AKAP6: variants seen among roughly 807,000 people sequenced by gnomAD.
The protein encoded by AKAP6 is A-kinase anchor protein 6.
In AKAP6, 58 loss-of-function variants were observed where a neutral mutation model predicts 188.5. The observed-to-expected ratio is 0.31, with a 90% CI of 0.25 to 0.38. AKAP6 has a LOEUF of 0.38. Ranked by LOEUF, AKAP6 falls within the 10% of genes least tolerant of loss-of-function variation. The pLI, the probability that AKAP6 is intolerant of heterozygous loss-of-function variation, is 1.00. For synonymous variants in AKAP6, 989 were observed against 998.6 expected (o/e 0.99, Z 0.18); for missense variants, 2,710 against 2,740.0 (o/e 0.99, Z 0.24).
intron 1 of AKAP6, among the ~76,000 whole-genome samples, chr14:32,368,614 C>G (rs1396444257): frequency 6.6e-6 from 1 of 151,952 alleles, no homozygotes; most frequent in Non-Finnish European, 1.5e-5. Flanking sequence ...ACGCAAAGGT[C>G]TAGAGGTGAG....
At chr14:32,424,646 C>A (rs1011695895) in intron 1 of AKAP6, among the ~76,000 whole-genome samples, 2 of 152,104 alleles carry the variant, frequency 1.3e-5, no homozygotes. Context: ...GATACTCTCC[C>A]TCCCCCTACT....
At chr14:32,820,720 A>G (rs1212893356) in intron 12 of AKAP6, among the ~76,000 whole-genome samples, 2 of 152,138 alleles carry the variant, frequency 1.3e-5, no homozygotes, top group Admixed American at 1.3e-4. Flanking sequence ...TGGAGCATTC[A>G]GGGTCTAGGA....
rs1237646730 is a variant in AKAP6, at chr14:32,821,493, A to G, written c.3680A>G (p.Lys1227Arg). Residue 1227 changes from lysine (K) to arginine (R), a missense_variant, in exon 13 of 14, where the codon AAG becomes AGG. Coordinates refer to ENST00000280979, the MANE Select transcript of AKAP6 (RefSeq NM_004274.5). ...TGGGATGAAATGGACATAAGTAACA[A>G]GTTAATTAGTTTGAATGAGGAATCA... The part of the protein sequence containing the change: ...LEWDEMDISN[K>R]LISLNEESND... 1 of 1,613,758 alleles carries G rather than the reference A, an allele frequency of 6.2e-7. No individual in the cohort carries two copies. The highest frequency in any genetic ancestry group is 2.2e-5 in the East Asian group (1 of 44,872).
chr14:32,792,987 C>A (rs2033655673), intron 12 of AKAP6, among the ~76,000 whole-genome samples: 1 of 152,136 alleles, frequency 6.6e-6, no homozygotes, highest in Admixed American at 6.5e-5. Context: ...TGAGGGAATT[C>A]ATCGCCACCA....
chr14:32,342,025 A>G (rs1269753360), intron 1 of AKAP6, among the ~76,000 whole-genome samples: 2 of 152,160 alleles, frequency 1.3e-5, no homozygotes, highest in African/African-American at 4.8e-5. Flanking sequence ...AAATAAATAC[A>G]TAAATAAAAT....
chr14:32,526,753 A>T (rs1025533353), intron 2 of AKAP6, among the ~76,000 whole-genome samples: 1 of 152,244 alleles, frequency 6.6e-6, no homozygotes, highest in Non-Finnish European at 1.5e-5. Flanking sequence ...TAGAGGAAAA[A>T]TAAAGAAGAG....
At chr14:32,503,439 T>C (rs190157780) in intron 2 of AKAP6, among the ~76,000 whole-genome samples, 1 of 152,172 alleles carries the variant, frequency 6.6e-6, no homozygotes, top group East Asian at 1.9e-4. Flanking sequence ...TCTACTGTAG[T>C]CAAATTTATC....
intron 4 of AKAP6, among the ~76,000 whole-genome samples, chr14:32,547,633 C>T (rs1883259658): frequency 6.6e-6 from 1 of 152,078 alleles, no homozygotes; most frequent in Admixed American, 6.5e-5. Context: ...TGTTTGAGGA[C>T]AGACTTATCA....
intron 1 of AKAP6, among the ~76,000 whole-genome samples, chr14:32,412,206 C>G (rs1889511380): frequency 6.6e-6 from 1 of 152,156 alleles, no homozygotes; most frequent in Non-Finnish European, 1.5e-5. Flanking sequence ...TATATAAAGA[C>G]TTTATTGAAT....
intron 1 of AKAP6, among the ~76,000 whole-genome samples, chr14:32,348,616 T>G (rs542956767): frequency 3.4e-4 from 51 of 152,206 alleles, no homozygotes; most frequent in Non-Finnish European, 6.3e-4. Flanking sequence ...TTTCACCATG[T>G]TGGTCAGGCT....
intron 5 of AKAP6, among the ~76,000 whole-genome samples, chr14:32,586,784 T>A (rs1219317584): frequency 8.5e-5 from 13 of 152,212 alleles, no homozygotes; most frequent in Admixed American, 8.5e-4. Flanking sequence ...TAACCAGTTC[T>A]TTGTGATGGA....
intron 11 of AKAP6, 107 bp downstream of exon 11, chr14:32,735,989 C>A: frequency 1.2e-6 from 1 of 814,952 alleles, no homozygotes; most frequent in Non-Finnish European, 1.9e-6. Context: ...TATCACTGTG[C>A]ACCTAAATGT....
intron 2 of AKAP6, among the ~76,000 whole-genome samples, chr14:32,528,115 T>G (rs540135853): frequency 2.8e-4 from 42 of 152,340 alleles, no homozygotes; most frequent in African/African-American, 9.4e-4. Context: ...TATTTTGAGT[T>G]AATTTTTGTT....
At chr14:32,637,984 C>G (rs909633604) in intron 7 of AKAP6, among the ~76,000 whole-genome samples, 2 of 152,004 alleles carry the variant, frequency 1.3e-5, no homozygotes, top group African/African-American at 2.4e-5. Context: ...ACCAATGAAT[C>G]CAGTAGTGAG....
intron 11 of AKAP6, among the ~76,000 whole-genome samples, chr14:32,757,781 G>A (rs1394157396): frequency 6.6e-6 from 1 of 152,174 alleles, no homozygotes; most frequent in Non-Finnish European, 1.5e-5. Context: ...GGTTGGATGG[G>A]AGTTAACATA....
At chr14:32,529,365 T>A (rs1882291475) in intron 2 of AKAP6, among the ~76,000 whole-genome samples, 1 of 151,708 alleles carries the variant, frequency 6.6e-6, no homozygotes, top group Admixed American at 6.6e-5. Context: ...AGGAGTCTAC[T>A]TTTTTTTTCC....
At chr14:32,454,666 TC>T (rs754974436) in intron 2 of AKAP6, among the ~76,000 whole-genome samples, 28,268 of 78,156 alleles carry the variant, frequency 0.36, 7,107 homozygotes, top group African/African-American at 0.73. Context: ...TCTCCTTCCC[TC>T]CTTCCCTCCT....
At chr14:32,767,358 T>C (rs2032751913) in intron 11 of AKAP6, among the ~76,000 whole-genome samples, 1 of 152,140 alleles carries the variant, frequency 6.6e-6, no homozygotes, top group Non-Finnish European at 1.5e-5. Context: ...TATCACCCTG[T>C]TTTATTTGAT....
At chr14:32,538,505 A>T (rs1882783100) in intron 3 of AKAP6, among the ~76,000 whole-genome samples, 2 of 152,118 alleles carry the variant, frequency 1.3e-5, no homozygotes, top group South Asian at 4.1e-4. Context: ...TCTTGAAAAA[A>T]CAATATATGA....
Sources: allele counts gnomAD v4.1 joint callset (sites outside exome capture counted in the v4.1 genomes callset), GRCh38; gene constraint gnomAD v4.1.1; transcripts MANE v1.5; gene names NCBI Gene and HGNC (gene_info 2026-07-23, HGNC 2026-07-21).